Variants in P2RX5 observed in about 807,000 individuals in gnomAD.
The protein encoded by P2RX5 is purinergic receptor P2X 5, also known as P2X purinoceptor 5.
In P2RX5, 46 loss-of-function variants were observed where a neutral mutation model predicts 54.1. The observed-to-expected ratio is 0.85, with a 90% confidence interval of 0.67 to 1.09. The LOEUF is 1.09. Ranked by LOEUF, P2RX5 falls within the 50% of genes least tolerant of loss-of-function variation. The pLI, the probability that P2RX5 is intolerant of heterozygous loss-of-function variation, is 0.00. For synonymous variants in P2RX5, 226 were observed against 226.4 expected (o/e 1.00, Z 0.02); for missense variants, 566 against 549.8 (o/e 1.03, Z -0.29).
the P2RX5 span, chr17:3,718,233 A>C: frequency 6.6e-6 from 1 of 152,256 alleles, no homozygotes; most frequent in African/African-American, 2.4e-5. Flanking sequence ...CTCACTAATA[A>C]GATGTAAGAG....
At chr17:3,705,558 T>C in the P2RX5 span, among the ~76,000 whole-genome samples, 1 of 152,174 alleles carries the variant, frequency 6.6e-6, no homozygotes, top group Non-Finnish European at 1.5e-5. Flanking sequence ...CTGTACCATT[T>C]AGAGAATTCA....
the P2RX5 span, chr17:3,723,289 T>G: frequency 1.2e-6 from 2 of 1,604,972 alleles, no homozygotes; most frequent in Non-Finnish European, 8.5e-7. Context: ...CTCAAACACC[T>G]CCTCAGAGTG....
chr17:3,684,145 GGCCCCACTGAA>G (rs1035573075), intron 9 of P2RX5, among the ~76,000 whole-genome samples: 3 of 152,342 alleles, frequency 2.0e-5, no homozygotes, highest in South Asian at 4.1e-4. Context: ...AGCCGCTCCC[GGCCCCACTGAA>G]GGGCCACCTC....
the P2RX5 span, among the ~76,000 whole-genome samples, chr17:3,718,698 G>A: frequency 6.6e-6 from 1 of 152,164 alleles, no homozygotes; most frequent in African/African-American, 2.4e-5. Flanking sequence ...GTAAGTAAGA[G>A]GGGGAAACAT....
At chr17:3,693,909 C>T (rs2050686786) in intron 1 of P2RX5, among the ~76,000 whole-genome samples, 1 of 151,448 alleles carries the variant, frequency 6.6e-6, no homozygotes, top group African/African-American at 2.4e-5. Context: ...AGATTACATG[C>T]GCTCGCCACC....
At chr17:3,698,522 A>G (rs548812384), upstream of P2RX5, among the ~76,000 whole-genome samples, 51 of 152,122 alleles carry the variant, frequency 3.4e-4, no homozygotes, top group African/African-American at 1.2e-3. Flanking sequence ...CCCAGAGCAG[A>G]GCCTACCACT....
chr17:3,685,415 G>A (rs1420286794), intron 9 of P2RX5: 4 of 153,340 alleles, frequency 2.6e-5, no homozygotes, highest in African/African-American at 4.8e-5. Flanking sequence ...TCTTTCTGGG[G>A]GCACTGGGAC....
chr17:3,720,024 G>C, the P2RX5 span, among the ~76,000 whole-genome samples: 1 of 152,094 alleles, frequency 6.6e-6, no homozygotes, highest in South Asian at 2.1e-4. Context: ...CCTGCGCCCA[G>C]CTGCGAAATT....
the P2RX5 span, among the ~76,000 whole-genome samples, chr17:3,722,148 C>T: frequency 6.7e-6 from 1 of 149,952 alleles, no homozygotes; most frequent in East Asian, 2.0e-4. Flanking sequence ...CATTGCACAA[C>T]AAGAGCGAAA....
chr17:3,701,530 T>C, the P2RX5 span, among the ~76,000 whole-genome samples: 1 of 151,826 alleles, frequency 6.6e-6, no homozygotes, highest in African/African-American at 2.4e-5. Flanking sequence ...CCGTCTCTAC[T>C]AAAAATACAA....
At chr17:3,673,935 GA>G (rs2142993587) in intron 11 of P2RX5, 58 bp from the exon 12 acceptor site, 1 of 1,483,274 alleles carries the variant, frequency 6.7e-7, no homozygotes, top group Admixed American at 1.9e-5. Flanking sequence ...TCTTCCCAGT[GA>G]GGCAACCAGT....
chr17:3,700,501 C>T (rs1329204633), upstream of P2RX5, among the ~76,000 whole-genome samples: 3 of 151,152 alleles, frequency 2.0e-5, no homozygotes, highest in African/African-American at 7.3e-5. Flanking sequence ...CCACTGCACT[C>T]CAGCCTGGGC....
intron 11 of P2RX5, chr17:3,676,175 TCA>T (rs2050099775): frequency 1.0e-6 from 1 of 985,372 alleles, no homozygotes; most frequent in African/African-American, 1.7e-5. Context: ...TCCAGGTTTC[TCA>T]CCTTGGGTTT....
chr17:3,679,982 C>T (rs967459892), intron 10 of P2RX5, among the ~76,000 whole-genome samples, 198 bp from the exon 11 acceptor site: 14 of 151,300 alleles, frequency 9.3e-5, no homozygotes, highest in Non-Finnish European at 1.6e-4. Flanking sequence ...ACCCTGAGTC[C>T]TCCACCCTGC....
At chr17:3,697,573 G>A (rs2050783520), upstream of P2RX5, among the ~76,000 whole-genome samples, 1 of 152,140 alleles carries the variant, frequency 6.6e-6, no homozygotes, top group Non-Finnish European at 1.5e-5. Context: ...TGATTCTAAA[G>A]TAAAAGCCCC....
At chr17:3,722,869 G>A in the P2RX5 span, among the ~76,000 whole-genome samples, 3 of 152,230 alleles carry the variant, frequency 2.0e-5, no homozygotes, top group African/African-American at 7.2e-5. Flanking sequence ...TAGCTGTTAC[G>A]TGGGAATTAT....
In P2RX5 at chr17:3,695,920, A is replaced by C. The variant is rs2050748894; in HGVS notation, c.86T>G (p.Val29Gly). The change falls in exon 1 of 12, where the codon GTG becomes GGG. Residue 29 changes from valine to glycine, a missense_variant. Physicochemically the swap from Val to Gly is moderately radical, Grantham distance 109. Coordinates refer to ENST00000225328, the MANE Select transcript of P2RX5 (RefSeq NM_002561.4). The part of the protein sequence containing the change: ...EKYVIAKNKK[V>G]GLLYRLLQAS... ...CTGCAGCAGCCGGTACAGCAGGCCC[A>C]CCTTCTTGTTCTTGGCGATGACATA... The C allele has an allele frequency of 6.2e-7, 1 of 1,611,762 alleles. No homozygotes were observed. Among genetic ancestry groups the C allele is most frequent in the African/African-American group, 1.3e-5 (1 of 74,740 alleles).
Position 3,691,176 on chromosome 17 carries a change from A to G in P2RX5, c.289-149T>C, listed in dbSNP as rs2050606487. The G allele has an allele frequency of 1.2e-4, 79 of 672,892 alleles. 1 individual carries two copies. The highest frequency in any genetic ancestry group is 1.1e-3 in the South Asian group (67 of 60,530). The allele number at this position is 672,892 out of a possible 1,614,324, so 41.7% of individuals were successfully genotyped here. On this transcript the variant is annotated intron_variant, in intron 2 of 11. Coordinates refer to ENST00000225328, the MANE Select transcript of P2RX5 (RefSeq NM_002561.4). ...CTTGGTATACTCTGCCCATCTGCTC[A>G]TGGACCCCACAGTCCCCAGGTAGAT... is the stretch of plus-strand genomic sequence containing the variant.
At chr17:3,699,713 G>T (rs2050801714), upstream of P2RX5, among the ~76,000 whole-genome samples, 1 of 150,664 alleles carries the variant, frequency 6.6e-6, no homozygotes, top group South Asian at 2.1e-4. Flanking sequence ...GCTGAGACAG[G>T]AGAATCGCTT....
Sources: allele counts gnomAD v4.1 joint callset (sites outside exome capture counted in the v4.1 genomes callset), GRCh38; gene constraint gnomAD v4.1.1; transcripts MANE v1.5; gene names NCBI Gene and HGNC (gene_info 2026-07-23, HGNC 2026-07-21).